ETNK1: variants seen among roughly 807,000 people sequenced by gnomAD.
The protein encoded by ETNK1 is putative protein product of Nbla10396.
In ETNK1, 8 loss-of-function variants were observed where a neutral mutation model predicts 45.1. The ratio of observed to expected loss-of-function variants is 0.18; its 90% confidence interval spans 0.10 to 0.32. ETNK1 has a LOEUF of 0.32. ETNK1 is among the 10% of genes least tolerant of loss of function. The pLI, the probability that ETNK1 is intolerant of heterozygous loss-of-function variation, is 1.00. For missense variants in ETNK1, 302 were observed against 430.6 expected (o/e 0.70, Z 2.64); for synonymous variants, 152 against 151.9 (o/e 1.00, Z -0.01).
rs982738368 is a variant in ETNK1 at position 22,645,237 on chromosome 12, A to G, written c.416+1215A>G. On this transcript the variant is annotated intron_variant, in intron 2 of 7. Coordinates refer to ENST00000266517, the MANE Select transcript of ETNK1 (RefSeq NM_018638.5). ...GCATTAAAAATTAATAGATGCATAG[A>G]TTGGATCCCCCCAAAGCTGGTTTTG... 2.6e-5 allele frequency among the ~76,000 whole-genome samples: 4 copies of G among 151,896 alleles called. 1 individual carries two copies. In the South Asian group the frequency reaches 8.3e-4, roughly 32 times the overall value.
At chr12:22,678,751 A>G (rs1954185791) in intron 6 of ETNK1, among the ~76,000 whole-genome samples, 1 of 152,214 alleles carries the variant, frequency 6.6e-6, no homozygotes, top group Non-Finnish European at 1.5e-5. Context: ...AAGACACTTG[A>G]AGTTCCTGGA....
intron 2 of ETNK1, among the ~76,000 whole-genome samples, chr12:22,646,757 T>A (rs1214668524): frequency 2.6e-5 from 4 of 151,806 alleles, no homozygotes; most frequent in Non-Finnish European, 5.9e-5. Flanking sequence ...GACGAAGGTA[T>A]CTCATTTGAA....
intron 4 of ETNK1, among the ~76,000 whole-genome samples, chr12:22,662,050 CCCCG>C (rs1954004724): frequency 4.5e-5 from 2 of 44,120 alleles, no homozygotes; most frequent in African/African-American, 1.7e-4. Context: ...GAAACTAGTT[CCCCG>C]CACCCCCCCC....
chr12:22,680,049 C>T (rs1418355486), intron 6 of ETNK1, among the ~76,000 whole-genome samples: 1 of 152,074 alleles, frequency 6.6e-6, no homozygotes, highest in Admixed American at 6.6e-5. Context: ...GACAAATTCT[C>T]TTTTTGTACT....
chr12:22,637,131 T>A (rs1277934041), intron 1 of ETNK1, among the ~76,000 whole-genome samples: 1 of 152,204 alleles, frequency 6.6e-6, no homozygotes, highest in Non-Finnish European at 1.5e-5. Flanking sequence ...TTTATCTCAA[T>A]TAATGAAGTC....
intron 2 of ETNK1, among the ~76,000 whole-genome samples, chr12:22,658,566 A>C (rs1382485935): frequency 6.6e-6 from 1 of 152,184 alleles, no homozygotes; most frequent in Non-Finnish European, 1.5e-5. Context: ...AATCATTGAG[A>C]TATAGGTATA....
intron 4 of ETNK1, among the ~76,000 whole-genome samples, chr12:22,665,627 C>T (rs1954046461): frequency 6.6e-6 from 1 of 152,120 alleles, no homozygotes; most frequent in African/African-American, 2.4e-5. Flanking sequence ...GAGGCATGAA[C>T]ACAGCCATAG....
chr12:22,681,109 G>T (rs1180001901), intron 6 of ETNK1, among the ~76,000 whole-genome samples: 1 of 151,874 alleles, frequency 6.6e-6, no homozygotes, highest in South Asian at 2.1e-4. Flanking sequence ...ATTTTGGGGG[G>T]ATGCAAATGA....
chr12:22,684,896 G>A lies in ETNK1; in HGVS notation c.1034G>A (p.Arg345His), dbSNP rs150365004. 6.9e-6 allele frequency: 11 copies of A among 1,605,430 alleles called. No homozygotes were observed. The highest frequency in any genetic ancestry group is 9.3e-6 in the Non-Finnish European group (11 of 1,177,088). Residue 345 changes from arginine to histidine, a missense_variant, in exon 8 of 8, where the codon CGT becomes CAT. Arg to His is a conservative substitution (Grantham distance 29, BLOSUM62 0). This residue lies in a region of ETNK1 where 94 missense variants were observed against 152.9 expected (regional missense o/e 0.61). Transcript: ENST00000266517. ...EFDFLGYAIVRFNQYFKMKPE... is the reference protein window; with the variant it reads ...EFDFLGYAIVHFNQYFKMKPE... ...TTTCTCACTAGGTATGCAATTGTTCGTTTTAACCAGTACTTTAAAATGAAG... is the reference window on the plus strand; with the variant it reads ...TTTCTCACTAGGTATGCAATTGTTCATTTTAACCAGTACTTTAAAATGAAG...
At chr12:22,647,418 A>G (rs73252150) in intron 2 of ETNK1, among the ~76,000 whole-genome samples, 2,628 of 152,048 alleles carry the variant, frequency 0.017, 83 homozygotes, top group African/African-American at 0.057. Context: ...AAAGGACAAT[A>G]TATAATAACT....
At chr12:22,655,169 T>C (rs1271449556) in intron 2 of ETNK1, among the ~76,000 whole-genome samples, 1 of 152,116 alleles carries the variant, frequency 6.6e-6, no homozygotes, top group Non-Finnish European at 1.5e-5. Flanking sequence ...GGTTTCACCA[T>C]GTTGGCCAGG....
At chr12:22,672,345 T>G (rs565050402) in intron 5 of ETNK1, among the ~76,000 whole-genome samples, 3 of 152,202 alleles carry the variant, frequency 2.0e-5, no homozygotes, top group South Asian at 2.1e-4. Context: ...AGGAATTTTT[T>G]ATTGTTGAAT....
chr12:22,644,373 T>A, intron 2 of ETNK1: 10 of 1,405,738 alleles, frequency 7.1e-6, no homozygotes, highest in Non-Finnish European at 9.4e-6. Flanking sequence ...GTTCATGTTT[T>A]CAGAGTTCTT....
intron 1 of ETNK1, among the ~76,000 whole-genome samples, chr12:22,640,373 G>T (rs936202264): frequency 1.3e-5 from 2 of 150,234 alleles, no homozygotes; most frequent in South Asian, 4.2e-4. Context: ...ACGTTGAATG[G>T]CATTTCTAAC....
chr12:22,640,761 C>T (rs932003099), intron 1 of ETNK1, among the ~76,000 whole-genome samples: 2 of 152,046 alleles, frequency 1.3e-5, no homozygotes, highest in African/African-American at 2.4e-5. Flanking sequence ...CCTAAGGTTA[C>T]TCGGTTTGTA....
At chr12:22,630,767 T>C (rs1953568951) in intron 1 of ETNK1, among the ~76,000 whole-genome samples, 1 of 151,842 alleles carries the variant, frequency 6.6e-6, no homozygotes, top group South Asian at 2.1e-4. Flanking sequence ...TGCGCCACCA[T>C]GCTCAGCTAA....
chr12:22,682,435 T>C (rs1295428448), intron 6 of ETNK1: 2 of 262,734 alleles, frequency 7.6e-6, no homozygotes, highest in African/African-American at 4.6e-5. Flanking sequence ...TAGTCATTTT[T>C]TTCAAGTAAA....
intron 3 of ETNK1, among the ~76,000 whole-genome samples, chr12:22,659,964 C>A (rs932640765): frequency 1.3e-5 from 2 of 150,276 alleles, no homozygotes; most frequent in Admixed American, 6.7e-5. Flanking sequence ...TTCTTTTATT[C>A]CATTTTGTTT....
At chr12:22,676,090 A>G (rs567361104) in intron 6 of ETNK1, among the ~76,000 whole-genome samples, 218 of 152,308 alleles carry the variant, frequency 1.4e-3, no homozygotes, top group Admixed American at 3.1e-3. Flanking sequence ...TACATGTGCC[A>G]TGGTGGTTTG....
Sources: allele counts gnomAD v4.1 joint callset (sites outside exome capture counted in the v4.1 genomes callset), GRCh38; gene constraint gnomAD v4.1.1; regional missense constraint gnomAD v4.1.1; transcripts MANE v1.5; gene names NCBI Gene and HGNC (gene_info 2026-07-23, HGNC 2026-07-21).